HDAC4: variants seen among roughly 807,000 people sequenced by gnomAD.
The protein encoded by HDAC4 is histone deacetylase A.
In HDAC4, 16 loss-of-function variants were observed where a neutral mutation model predicts 135.1. The observed-to-expected ratio is 0.12, with a 90% CI of 0.08 to 0.18. The LOEUF is 0.18. Ranked by LOEUF, HDAC4 falls within the 10% of genes least tolerant of loss-of-function variation. HDAC4 has a pLI of 1.00. For synonymous variants in HDAC4, 685 were observed against 653.4 expected (o/e 1.05, Z -0.74); for missense variants, 1,143 against 1,511.8 (o/e 0.76, Z 4.05).
intron 2 of HDAC4, among the ~76,000 whole-genome samples, chr2:239,340,795 A>G (rs1692253304): frequency 6.6e-6 from 1 of 152,116 alleles, no homozygotes; most frequent in Admixed American, 6.5e-5. Flanking sequence ...CCACCCCTCC[A>G]GGCCAGGCAC....
rs966377815 is a variant in HDAC4, at chr2:239,139,858, T to C, written c.866-62A>G. ...ATGCGGAGGGAGGGCCGTGCTGACC[T>C]GTGGCCCGAATGCCCGGTGCCTTCC... is the stretch of plus-strand genomic sequence containing the variant. On this transcript the variant is annotated intron_variant, in intron 8 of 26. Coordinates refer to ENST00000543185, the MANE Select transcript of HDAC4 (RefSeq NM_001378414.1). This position sits in a 1 kb window ranked among gnomAD's most constrained non-coding sequence, Gnocchi z 5.3. 3 of 1,440,616 alleles carry C rather than the reference T, an allele frequency of 2.1e-6. No individual in the cohort carries two copies. The highest frequency in any genetic ancestry group is 1.7e-5 in the Admixed American group (1 of 59,354). 89.2% of individuals were successfully genotyped at this position (1,440,616 alleles called of 1,614,324 possible).
chr2:239,141,014 C>A lies in HDAC4; in HGVS notation c.866-1218G>T. 1 of 363,812 alleles carries A rather than the reference C, an allele frequency of 2.7e-6. No individual in the cohort carries two copies. The allele number at this position is 363,812 out of a possible 1,614,324, so 22.5% of individuals were successfully genotyped here. A position where few individuals can be genotyped will look rare whatever the true frequency, so the allele number is the denominator to read the frequency against. On this transcript the variant is annotated intron_variant, in intron 8 of 26. Coordinates refer to ENST00000543185, the MANE Select transcript of HDAC4 (RefSeq NM_001378414.1). The surrounding 1 kb of genome is among the most constrained non-coding windows in gnomAD (Gnocchi z 4.9). ...CTGGCAGACCTGATTCCAAACTTTG[C>A]CTTTATTAGCTCATCCATCTCTCAG... is the stretch of plus-strand genomic sequence containing the variant.
At chr2:239,128,275 G>A (rs374307205) in intron 11 of HDAC4, among the ~76,000 whole-genome samples, 4 of 151,100 alleles carry the variant, frequency 2.6e-5, no homozygotes, top group South Asian at 2.1e-4. Flanking sequence ...GGCTGGGCGC[G>A]GTGGTGGCTG....
Position 239,317,117 on chromosome 2 carries a change from T to C in HDAC4, c.22+35561A>G, listed in dbSNP as rs116816605. Among the ~76,000 whole-genome samples the C allele has an allele frequency of 1.5e-3, 224 of 152,262 alleles. 1 individual carries two copies. The highest frequency in any genetic ancestry group is 5.2e-3 in the African/African-American group (218 of 41,532). On this transcript the variant is annotated intron_variant, in intron 2 of 26. Coordinates refer to ENST00000543185, the MANE Select transcript of HDAC4 (RefSeq NM_001378414.1). ...CTGCTGGACTCTAGTTGGGGGTTTC[T>C]TTTTCACAGAGGCATAGGTTAATAA...
rs142965975 is a variant in HDAC4, at chr2:239,204,371, A to G, written c.95-14294T>C. On this transcript the variant is annotated intron_variant, in intron 3 of 26. Coordinates refer to ENST00000543185, the MANE Select transcript of HDAC4 (RefSeq NM_001378414.1). ...CTTTATTAGAAAAGGCACCCTGAATACACAGGGCTCCGTAGGGAAGGTGTC... is the reference window on the plus strand; with the variant it reads ...CTTTATTAGAAAAGGCACCCTGAATGCACAGGGCTCCGTAGGGAAGGTGTC... Among the ~76,000 whole-genome samples, 348 of 152,350 alleles carry G rather than the reference A, an allele frequency of 2.3e-3. 1 individual carries two copies. Among genetic ancestry groups the G allele is most frequent in the Non-Finnish European group, 3.7e-3 (250 of 68,032 alleles).
intron 2 of HDAC4, among the ~76,000 whole-genome samples, chr2:239,250,599 C>T (rs2048731285): frequency 6.6e-6 from 1 of 152,200 alleles, no homozygotes; most frequent in Non-Finnish European, 1.5e-5. Flanking sequence ...CTGAAGTATC[C>T]AGAAGCTGCT....
In HDAC4 at chr2:239,349,539, G is replaced by C. The variant is rs1230078868; in HGVS notation, c.22+3139C>G. ...GAACTTCCCGAAACTAGAGATCTCT[G>C]GGGATGGAGCTGCTTGGGAAGGCAC... On this transcript the variant is annotated intron_variant, in intron 2 of 26. Coordinates refer to ENST00000543185, the MANE Select transcript of HDAC4 (RefSeq NM_001378414.1). The surrounding 1 kb of genome is among the most constrained non-coding windows in gnomAD (Gnocchi z 5.7). Among the ~76,000 whole-genome samples the C allele has an allele frequency of 1.3e-5, 2 of 152,214 alleles. No individual in the cohort carries two copies. Among genetic ancestry groups the C allele is most frequent in the Non-Finnish European group, 2.9e-5 (2 of 68,034 alleles).
At chr2:239,278,596 C>T (rs2050526998) in intron 2 of HDAC4, among the ~76,000 whole-genome samples, 1 of 151,912 alleles carries the variant, frequency 6.6e-6, no homozygotes, top group East Asian at 1.9e-4. Context: ...CGCCTGAGCC[C>T]AGGAGACAGA....
At chr2:239,310,908 G>A (rs982775564) in intron 2 of HDAC4, among the ~76,000 whole-genome samples, 6 of 152,176 alleles carry the variant, frequency 3.9e-5, no homozygotes, top group African/African-American at 9.7e-5. Flanking sequence ...ACACCACCAC[G>A]GCCACCGGCC....
chr2:239,278,104 G>A (rs1438107617), intron 2 of HDAC4, among the ~76,000 whole-genome samples: 4 of 138,954 alleles, frequency 2.9e-5, no homozygotes, highest in Middle Eastern at 3.8e-3. Context: ...TGGAGGCTCA[G>A]GGTGTCTTGA....
At chr2:239,145,307 T>G (rs2041681543) in intron 7 of HDAC4, among the ~76,000 whole-genome samples, 1 of 152,006 alleles carries the variant, frequency 6.6e-6, no homozygotes, top group South Asian at 2.1e-4. Context: ...CTGGGGAGGC[T>G]CAGCAGAGCC....
chr2:239,359,208 G>A (rs1456148017), intron 1 of HDAC4, among the ~76,000 whole-genome samples: 2 of 152,166 alleles, frequency 1.3e-5, no homozygotes, highest in South Asian at 4.1e-4. Context: ...ACAGCCCACG[G>A]CATCTAGCTT....
At position 239,370,727 on chromosome 2, in the gene HDAC4, A is replaced by T. The variant is rs1326943779; in HGVS notation, c.-219-17809T>A. 2.0e-5 allele frequency among the ~76,000 whole-genome samples: 3 copies of T among 152,224 alleles called. No individual in the cohort carries two copies. In the East Asian group the frequency reaches 5.8e-4, roughly 29 times the overall value. The stretch of plus-strand genomic sequence containing the variant: ...CCTGCAGCCCTGCGGCGCCTGGAGG[A>T]GCCGAGCAGAGGAGCTGGTTGAGCA... On this transcript the variant is annotated intron_variant, in intron 1 of 26. Transcript: ENST00000543185.
At position 239,314,274 on chromosome 2, in the gene HDAC4, G is replaced by A. The variant is rs116771964; in HGVS notation, c.22+38404C>T. Among the ~76,000 whole-genome samples, 666 of 152,256 alleles carry A rather than the reference G, an allele frequency of 4.4e-3. 1 individual carries two copies. The highest frequency in any genetic ancestry group is 7.9e-3 in the Non-Finnish European group (535 of 68,010). The stretch of plus-strand genomic sequence containing the variant: ...ACCATGGGTAGCGGGAGTAAGTCCC[G>A]GAAAGACCTCAGTTGTAGGAAAATC... On this transcript the variant is annotated intron_variant, in intron 2 of 26. Coordinates refer to ENST00000543185, the MANE Select transcript of HDAC4 (RefSeq NM_001378414.1).
In HDAC4 at chr2:239,331,287, A is replaced by C. The variant is rs188977424; in HGVS notation, c.22+21391T>G. On this transcript the variant is annotated intron_variant, in intron 2 of 26. Transcript: ENST00000543185. The surrounding 1 kb of genome is among the most constrained non-coding windows in gnomAD (Gnocchi z 4.5). ...AGGGGAAAACGGTAAAAGCCACGAG[A>C]AGGAGGCAGGATGGGGGAGGGAAGA... Among the ~76,000 whole-genome samples the C allele has an allele frequency of 4.1e-3, 624 of 152,228 alleles. 3 individuals are homozygous for C. The highest frequency in any genetic ancestry group is 0.014 in the African/African-American group (600 of 41,514).
Position 239,115,321 on chromosome 2 carries a change from G to C in HDAC4, c.1534-11C>G. 1 of 1,613,058 alleles carries C rather than the reference G, an allele frequency of 6.2e-7. No individual in the cohort carries two copies. Among genetic ancestry groups the C allele is most frequent in the Non-Finnish European group, 8.5e-7 (1 of 1,179,966 alleles). ...TGGCTTGGGGATGATCTGCAAGGCG[G>C]AGGTAACACATGAAGCACAGAGAGC... On this transcript the variant is annotated splice_polypyrimidine_tract_variant and intron_variant, in intron 12 of 26. Coordinates refer to ENST00000543185, the MANE Select transcript of HDAC4 (RefSeq NM_001378414.1). This position sits in a 1 kb window ranked among gnomAD's most constrained non-coding sequence, Gnocchi z 6.3.
chr2:239,120,507 G>A (rs2039578264), intron 12 of HDAC4, among the ~76,000 whole-genome samples: 1 of 151,114 alleles, frequency 6.6e-6, no homozygotes, highest in South Asian at 2.1e-4. Context: ...ATAGGCACAG[G>A]CACACAGAGA....
At chr2:239,195,791 C>T (rs1286830934) in intron 3 of HDAC4, among the ~76,000 whole-genome samples, 5 of 152,188 alleles carry the variant, frequency 3.3e-5, no homozygotes, top group Non-Finnish European at 7.3e-5. Flanking sequence ...AGACTCCTGA[C>T]GTCAGTGAGA....
intron 1 of HDAC4, among the ~76,000 whole-genome samples, chr2:239,370,880 T>G (rs1185110844): frequency 6.6e-6 from 1 of 152,234 alleles, no homozygotes; most frequent in Non-Finnish European, 1.5e-5. Flanking sequence ...AAATGAGTCA[T>G]AAAGGTGAAG....
Sources: allele counts gnomAD v4.1 joint callset (sites outside exome capture counted in the v4.1 genomes callset), GRCh38; gene constraint gnomAD v4.1.1; non-coding constraint Gnocchi (gnomAD v3.1); transcripts MANE v1.5; gene names NCBI Gene and HGNC (gene_info 2026-07-23, HGNC 2026-07-21).